The following UMAD1 variants were observed in gnomAD, a reference collection of about 807,000 sequenced individuals.
UMAD1 encodes UBAP1-MVB12-associated (UMA) domain containing 1.
In UMAD1, 8 loss-of-function variants were observed where a neutral mutation model predicts 6.1. That is an observed-to-expected ratio of 1.30 (90% confidence interval 0.76 to 2.35). The LOEUF (loss-of-function observed/expected upper bound fraction) is 2.35. UMAD1 is among the 30% of genes most tolerant of loss of function. UMAD1 has a pLI of 0.00. For synonymous variants in UMAD1, 56 were observed against 31.4 expected (o/e 1.78, Z -2.61); for missense variants, 130 against 78.4 (o/e 1.66, Z -2.49).
chr7:7,656,142 G>T (rs996498085), intron 1 of UMAD1, among the ~76,000 whole-genome samples: 1 of 151,984 alleles, frequency 6.6e-6, no homozygotes, highest in Non-Finnish European at 1.5e-5. Context: ...GCCAGGACAG[G>T]CTCTCTTAAA....
intron 2 of UMAD1, among the ~76,000 whole-genome samples, chr7:7,718,346 G>C (rs573398211): frequency 1.2e-3 from 184 of 152,284 alleles, no homozygotes; most frequent in Non-Finnish European, 2.1e-3. Context: ...GTGAGGGCAT[G>C]GGTTGTCTGT....
intron 2 of UMAD1, among the ~76,000 whole-genome samples, chr7:7,688,475 G>C (rs374893018): frequency 5.5e-4 from 83 of 152,260 alleles, no homozygotes; most frequent in African/African-American, 1.9e-3. Flanking sequence ...TTTTTCTGCT[G>C]CCTTGCCCTC....
At chr7:7,760,583 A>G (rs11764499) in intron 2 of UMAD1, among the ~76,000 whole-genome samples, 23,845 of 152,114 alleles carry the variant, frequency 0.16, 2,110 homozygotes, top group Admixed American at 0.25. Context: ...ACCTCTCCCC[A>G]GAATATACTA....
intron 2 of UMAD1, among the ~76,000 whole-genome samples, chr7:7,715,847 TA>T (rs1780888100): frequency 6.6e-6 from 1 of 152,308 alleles, no homozygotes; most frequent in Middle Eastern, 3.4e-3. Flanking sequence ...ATCAAACATT[TA>T]AAAAATAGTA....
chr7:7,866,174 G>A (rs1466552792), intron 3 of UMAD1, among the ~76,000 whole-genome samples: 1 of 152,206 alleles, frequency 6.6e-6, no homozygotes, highest in Non-Finnish European at 1.5e-5. Flanking sequence ...TAGAAGAAAT[G>A]TGAATATAAA....
chr7:7,806,762 T>A (rs1268972464), intron 3 of UMAD1, among the ~76,000 whole-genome samples: 1 of 152,174 alleles, frequency 6.6e-6, no homozygotes, highest in Non-Finnish European at 1.5e-5. Context: ...ATACATCTGA[T>A]TAAGAAATCA....
At chr7:7,747,765 A>G (rs1264442049) in intron 2 of UMAD1, among the ~76,000 whole-genome samples, 2 of 152,156 alleles carry the variant, frequency 1.3e-5, no homozygotes, top group Non-Finnish European at 2.9e-5. Flanking sequence ...TTCTCCATTT[A>G]ATGGAAAACT....
intron 2 of UMAD1, among the ~76,000 whole-genome samples, chr7:7,754,712 A>T (rs535809715): frequency 1.3e-5 from 2 of 152,332 alleles, no homozygotes; most frequent in South Asian, 4.1e-4. Flanking sequence ...TCATTATTGG[A>T]AAACTTCTAA....
chr7:7,816,797 A>G (rs1376702624), intron 3 of UMAD1, among the ~76,000 whole-genome samples: 1 of 152,030 alleles, frequency 6.6e-6, no homozygotes, highest in African/African-American at 2.4e-5. Flanking sequence ...CTACCTCCCC[A>G]CTGCAACTAC....
In UMAD1 at chr7:7,877,499, T is replaced by C. The variant is rs778863855; in HGVS notation, c.375T>C (p.Tyr125=). 10 of 717,566 alleles carry C rather than the reference T, an allele frequency of 1.4e-5. No homozygotes were observed. The South Asian group carries it at 1.5e-4, about 11-fold the overall frequency. 44.4% of individuals were successfully genotyped at this position (717,566 alleles called of 1,614,324 possible). ...GCGAAAACTTATCACGGTTTTGGTA[T>C]GATTTCACTCTTGAAAATTCAGTGC... is the stretch of plus-strand genomic sequence containing the variant. ...DGSENLSRFW[Y]DFTLENSVLC... is the part of the protein sequence containing the mutation. Residue 125 remains tyrosine, a synonymous_variant, in exon 4 of 4, where the codon TAT becomes TAC. Coordinates refer to ENST00000682710, the MANE Select transcript of UMAD1 (RefSeq NM_001302348.2).
At chr7:7,869,498 A>T (rs903777391) in intron 3 of UMAD1, among the ~76,000 whole-genome samples, 1 of 152,074 alleles carries the variant, frequency 6.6e-6, no homozygotes, top group Non-Finnish European at 1.5e-5. Flanking sequence ...ACCTGGTTTC[A>T]TGTTCTTTTA....
chr7:7,716,281 G>A (rs1780900789), intron 2 of UMAD1, among the ~76,000 whole-genome samples: 1 of 152,178 alleles, frequency 6.6e-6, no homozygotes, highest in African/African-American at 2.4e-5. Flanking sequence ...AAGGAACAAT[G>A]CCAAGAAAAA....
chr7:7,871,873 A>G (rs1336552224), intron 3 of UMAD1, among the ~76,000 whole-genome samples: 1 of 152,128 alleles, frequency 6.6e-6, no homozygotes, highest in Non-Finnish European at 1.5e-5. Context: ...ATTAATAAAA[A>G]TATGAGGAAT....
chr7:7,728,857 G>T (rs552584242), intron 2 of UMAD1, among the ~76,000 whole-genome samples: 1 of 152,086 alleles, frequency 6.6e-6, no homozygotes. Flanking sequence ...TGGGCCTACC[G>T]TATGTCAGTG....
At chr7:7,663,571 A>C (rs1250160641) in intron 1 of UMAD1, among the ~76,000 whole-genome samples, 1 of 152,144 alleles carries the variant, frequency 6.6e-6, no homozygotes, top group Admixed American at 6.5e-5. Context: ...CTAAAGGATA[A>C]ATTTTAAAAG....
chr7:7,854,863 C>T (rs898277330), intron 3 of UMAD1, among the ~76,000 whole-genome samples: 12 of 152,138 alleles, frequency 7.9e-5, no homozygotes, highest in African/African-American at 2.9e-4. Context: ...AAAATCAAAG[C>T]AGGTTAGTTG....
In UMAD1 at chr7:7,754,912, A is replaced by G. The variant is rs1471798858; in HGVS notation, c.83-46758A>G. Among the ~76,000 whole-genome samples the G allele has an allele frequency of 4.4e-4, 67 of 152,198 alleles. 1 individual carries two copies. Among genetic ancestry groups the G allele is most frequent in the Admixed American group, 4.4e-3 (67 of 15,280 alleles). On this transcript the variant is annotated intron_variant, in intron 2 of 3. Transcript: ENST00000682710. ...ACCGTATGATTGCACATCTTTTCGCAGCAACTTACAGATTTATTTCATTTA... is the reference window on the plus strand; with the variant it reads ...ACCGTATGATTGCACATCTTTTCGCGGCAACTTACAGATTTATTTCATTTA...
chr7:7,695,202 G>C (rs929808320), intron 2 of UMAD1, among the ~76,000 whole-genome samples: 2 of 152,120 alleles, frequency 1.3e-5, no homozygotes, highest in Non-Finnish European at 2.9e-5. Flanking sequence ...GAAGCTCGCT[G>C]TTTCCAAGTA....
intron 2 of UMAD1, among the ~76,000 whole-genome samples, chr7:7,712,840 G>C (rs1333682363): frequency 5.3e-5 from 8 of 152,090 alleles, no homozygotes; most frequent in African/African-American, 1.7e-4. Context: ...TTGGCTAAAG[G>C]CTTATTGTAG....
Sources: gnomAD v4.1 joint callset for allele counts (sites outside exome capture counted in the v4.1 genomes callset) on GRCh38, gnomAD v4.1.1 for gene constraint, MANE v1.5 for transcripts, NCBI Gene and HGNC (gene_info 2026-07-23, HGNC 2026-07-21) for gene names.